Variants in SP1 observed in about 807,000 individuals in gnomAD.
The protein encoded by SP1 is Sp1 transcription factor, also known as transcription factor Sp1.
Under a neutral mutation model 66.3 loss-of-function variants are expected in SP1, and 6 were observed. That is an observed-to-expected ratio of 0.09 (90% CI 0.05 to 0.18). The LOEUF is 0.18. Among genes scored for constraint, SP1 ranks in the 10% least tolerant of loss-of-function variants. The probability of loss-of-function intolerance (pLI) is 1.00; values close to 1 mark genes in which losing one functional copy is unlikely to be tolerated. For synonymous variants in SP1, 417 were observed against 360.8 expected (o/e 1.16, Z -1.77); for missense variants, 848 against 964.5 (o/e 0.88, Z 1.60).
chr12:53,382,191 C>A lies in SP1; in HGVS notation c.244C>A (p.Gln82Lys). ...ACCCAATGAGAACAGCAACAACTCCCAGGGCCCGAGTCAGTCAGGGGGAAC... is the reference window on the plus strand; with the variant it reads ...ACCCAATGAGAACAGCAACAACTCCAAGGGCCCGAGTCAGTCAGGGGGAAC... ...ESPNENSNNS[Q>K]GPSQSGGTGE... Residue 82 changes from glutamine (Q) to lysine (K), a missense_variant, in exon 3 of 6, where the codon CAG (glutamine) becomes AAG (lysine). Physicochemically the swap from Gln to Lys is moderately conservative, Grantham distance 53 (BLOSUM62 1). Around this residue, in one of 7 missense-constraint regions of SP1, gnomAD observed 606 missense variants for 589.9 expected, o/e 1.03. Coordinates refer to ENST00000327443, the MANE Select transcript of SP1 (RefSeq NM_138473.3). 6.2e-7 allele frequency: 1 copy of A among 1,614,180 alleles called. No individual in the cohort carries two copies. The highest frequency in any genetic ancestry group is 8.5e-7 in the Non-Finnish European group (1 of 1,180,030).
In SP1 at chr12:53,380,252, C is replaced by CCCGGG; in HGVS notation, c.-39_-38insCGGGC. 1 of 1,519,198 alleles carries CCCGGG rather than the reference C, an allele frequency of 6.6e-7. No homozygotes were observed. Among genetic ancestry groups the CCCGGG allele is most frequent in the Non-Finnish European group, 9.1e-7 (1 of 1,096,472 alleles). The allele number at this position is 1,519,198 out of a possible 1,614,324, so 94.1% of individuals were successfully genotyped here. On this transcript the variant is annotated 5_prime_UTR_variant, in exon 1 of 6. Transcript: ENST00000327443. Reference sequence around the variant, plus strand: ...TTTTTCCCGGCCCCCCCCAACCCCCCCGGACAGGACCCCCTTGAGCTTGTC... The same window carrying CCCGGG: ...TTTTTCCCGGCCCCCCCCAACCCCCCCCGGGCGGACAGGACCCCCTTGAGCTTGTC...
At chr12:53,381,443 A>C in intron 1 of SP1, 1 of 419,276 alleles carries the variant, frequency 2.4e-6, no homozygotes, top group Non-Finnish European at 4.2e-6. Context: ...TTAATTTTGT[A>C]CAAGGGAGAA....
chr12:53,386,936 G>GTTTTTTTTTTTTTTTTTTTTTTTT (rs145360387), intron 3 of SP1, among the ~76,000 whole-genome samples: 1 of 128,038 alleles, frequency 7.8e-6, no homozygotes, highest in African/African-American at 3.6e-5. Context: ...CAACTTCTAG[G>GTTTTTTTTTTTTTTTTTTTTTTTT]TTTGTTTTTT....
At position 53,414,539 on chromosome 12, in the gene SP1, C is replaced by T. The variant is rs985466713; in HGVS notation, c.*3299C>T. 2.0e-5 allele frequency: 3 copies of T among 152,484 alleles called. No individual in the cohort carries two copies. Among genetic ancestry groups the T allele is most frequent in the African/African-American group, 4.8e-5 (2 of 41,420 alleles). The allele number at this position is 152,484 out of a possible 1,614,324, so 9.4% of individuals were successfully genotyped here. ...ATTAGGGGAGGGTTGGAGACAAAAGCTGTAAATTACTATGGCTGATTTATT... is the reference window on the plus strand; with the variant it reads ...ATTAGGGGAGGGTTGGAGACAAAAGTTGTAAATTACTATGGCTGATTTATT... On this transcript the variant is annotated 3_prime_UTR_variant, in exon 6 of 6. Coordinates refer to ENST00000327443, the MANE Select transcript of SP1 (RefSeq NM_138473.3).
intron 5 of SP1, among the ~76,000 whole-genome samples, chr12:53,410,503 T>G (rs899734824): frequency 6.6e-6 from 1 of 151,632 alleles, no homozygotes; most frequent in African/African-American, 2.4e-5. Flanking sequence ...ATACTTGAAG[T>G]TTTTTGTTTT....
chr12:53,400,755 A>G (rs78732055), intron 3 of SP1, among the ~76,000 whole-genome samples: 2 of 70,064 alleles, frequency 2.9e-5, no homozygotes, highest in African/African-American at 1.1e-4. Flanking sequence ...CACTGGGCTA[A>G]TTTTTTTTTT....
chr12:53,396,360 G>C (rs929532293), intron 3 of SP1, among the ~76,000 whole-genome samples: 21 of 151,492 alleles, frequency 1.4e-4, no homozygotes, highest in Admixed American at 4.6e-4. Context: ...ATCAGGTCAA[G>C]AGATGGAGAG....
chr12:53,409,154 G>T (rs1279401186), intron 4 of SP1, among the ~76,000 whole-genome samples: 1 of 152,116 alleles, frequency 6.6e-6, no homozygotes, highest in African/African-American at 2.4e-5. Context: ...GAACCTAGGA[G>T]GCGGAGGTTG....
chr12:53,405,175 C>T (rs1938705336), intron 3 of SP1, among the ~76,000 whole-genome samples: 1 of 151,692 alleles, frequency 6.6e-6, no homozygotes, highest in Non-Finnish European at 1.5e-5. Context: ...GACAGAGTGT[C>T]CCTATGTTGC....
chr12:53,396,635 G>A (rs1029626868), intron 3 of SP1, among the ~76,000 whole-genome samples: 4 of 152,108 alleles, frequency 2.6e-5, no homozygotes, highest in African/African-American at 4.8e-5. Flanking sequence ...TCTGTGCTCC[G>A]GTTGCTTTTA....
intron 4 of SP1, among the ~76,000 whole-genome samples, chr12:53,408,691 G>A (rs1592573076): frequency 6.8e-6 from 1 of 147,208 alleles, no homozygotes. Flanking sequence ...TGGATCACAA[G>A]GTCAGGAGAT....
chr12:53,406,300 C>G (rs748129957), intron 3 of SP1, among the ~76,000 whole-genome samples: 5 of 151,930 alleles, frequency 3.3e-5, no homozygotes, highest in Non-Finnish European at 7.4e-5. Context: ...AACTCCTGAC[C>G]TCAGGTGATC....
chr12:53,392,347 A>ATT (rs574953864), intron 3 of SP1, among the ~76,000 whole-genome samples: 56 of 85,346 alleles, frequency 6.6e-4, no homozygotes, highest in Middle Eastern at 6.5e-3. Context: ...CACCTGGCTA[A>ATT]TTTTTTTTTT....
intron 2 of SP1, 88 bp from the exon 3 acceptor site, chr12:53,382,022 C>G (rs760303285): frequency 2.3e-6 from 3 of 1,329,658 alleles, no homozygotes; most frequent in Non-Finnish European, 3.1e-6. Context: ...CTTGTCTGCA[C>G]TACGTTGCTG....
chr12:53,404,807 AC>A (rs1938694628), intron 3 of SP1, among the ~76,000 whole-genome samples: 1 of 151,866 alleles, frequency 6.6e-6, no homozygotes, highest in Admixed American at 6.6e-5. Flanking sequence ...AGTAGCTGGG[AC>A]CATAGGCGCA....
intron 4 of SP1, 132 bp downstream of exon 4, chr12:53,406,885 C>T (rs538193335): frequency 2.3e-5 from 17 of 730,324 alleles, no homozygotes; most frequent in African/African-American, 8.9e-5. Flanking sequence ...AGTGCAGTGG[C>T]GCAATCTTGG....
rs373019158 is a variant in SP1, at chr12:53,380,242, C to T, written c.-50C>T. On this transcript the variant is annotated 5_prime_UTR_variant, in exon 1 of 6. Transcript: ENST00000327443. ...AGCGTCCGCGTTTTTCCCGGCCCCC[C>T]CCAACCCCCCCGGACAGGACCCCCT... The T allele has an allele frequency of 1.5e-6, 2 of 1,317,186 alleles. No individual in the cohort carries two copies. The highest frequency in any genetic ancestry group is 2.2e-6 in the Non-Finnish European group (2 of 914,584). 81.6% of individuals were successfully genotyped at this position (1,317,186 alleles called of 1,614,324 possible).
At chr12:53,409,139 C>T (rs906851561) in intron 4 of SP1, among the ~76,000 whole-genome samples, 9 of 150,966 alleles carry the variant, frequency 6.0e-5, no homozygotes, top group Non-Finnish European at 7.4e-5. Context: ...GCAGGAGAAT[C>T]GCTTGAACCT....
At chr12:53,407,347 A>C (rs750156755) in intron 4 of SP1, among the ~76,000 whole-genome samples, 1 of 150,206 alleles carries the variant, frequency 6.7e-6, no homozygotes, top group Non-Finnish European at 1.5e-5. Context: ...TTTTTTTCTG[A>C]GACAAAGTCA....
Sources: allele counts gnomAD v4.1 joint callset (sites outside exome capture counted in the v4.1 genomes callset), GRCh38; gene constraint gnomAD v4.1.1; regional missense constraint gnomAD v4.1.1; transcripts MANE v1.5; gene names NCBI Gene and HGNC (gene_info 2026-07-23, HGNC 2026-07-21).